DNAH1: variants seen among roughly 807,000 people sequenced by gnomAD.
DNAH1 encodes the protein dynein axonemal heavy chain 1.
Under a neutral mutation model 484.3 loss-of-function variants are expected in DNAH1, and 327 were observed. The ratio of observed to expected loss-of-function variants is 0.68; its 90% CI spans 0.62 to 0.74. The LOEUF (loss-of-function observed/expected upper bound fraction) is 0.74, where lower values mean the gene tolerates loss of function less well. Among genes scored for constraint, DNAH1 ranks in the 30% least tolerant of loss-of-function variants. The pLI is 0.00. For missense variants in DNAH1, 5,052 were observed against 5,546.8 expected (o/e 0.91, Z 2.83); for synonymous variants, 2,192 against 2,191.9 (o/e 1.00, Z 0.00).
intron 46 of DNAH1, among the ~76,000 whole-genome samples, chr3:52,376,273 A>G (rs1210276221): frequency 6.6e-6 from 1 of 152,240 alleles, no homozygotes; most frequent in Non-Finnish European, 1.5e-5. Context: ...AGGGAATCCA[A>G]CAAACTCCCA....
Position 52,381,900 on chromosome 3 carries a change from C to A in DNAH1, c.7805+64C>A. 3 of 1,502,556 alleles carry A rather than the reference C, an allele frequency of 2.0e-6. No homozygotes were observed. Among genetic ancestry groups the A allele is most frequent in the South Asian group, 1.3e-5 (1 of 79,196 alleles). The allele number at this position is 1,502,556 out of a possible 1,614,324, so 93.1% of individuals were successfully genotyped here. A position where few individuals can be genotyped will look rare whatever the true frequency, so the allele number is the denominator to read the frequency against. Reference sequence around the variant, plus strand: ...GGGCTGGCTGGTCGGTTTGACTGACCCATGCTTTTGCACAGTGGTAGAGGC... The same window carrying A: ...GGGCTGGCTGGTCGGTTTGACTGACACATGCTTTTGCACAGTGGTAGAGGC... On this transcript the variant is annotated intron_variant, in intron 49 of 77. Coordinates refer to ENST00000420323, the MANE Select transcript of DNAH1 (RefSeq NM_015512.5). The surrounding 1 kb of genome is among the most constrained non-coding windows in gnomAD (Gnocchi z 4.1).
At position 52,392,989 on chromosome 3, in the gene DNAH1, A is replaced by G. The variant is rs143443167; in HGVS notation, c.10438A>G (p.Ile3480Val). ...GTACTCCCTTGAGTGGTTTCTCAAC[A>G]TCTTCCTCTCGGGCATCGCCAACTC... ...YQYSLEWFLNIFLSGIANSER... is the reference protein window; with the variant it reads ...YQYSLEWFLNVFLSGIANSER... The change falls in exon 65 of 78, where the codon ATC becomes GTC. Residue 3480 changes from isoleucine (I) to valine (V), a missense_variant. Transcript: ENST00000420323. 1.8e-3 allele frequency: 2,835 copies of G among 1,613,274 alleles called. 6 individuals carry two copies. The highest frequency in any genetic ancestry group is 2.2e-3 in the Non-Finnish European group (2,608 of 1,179,656).
At chr3:52,346,362 C>A (rs372682072) in intron 10 of DNAH1, 110 bp from the exon 11 acceptor site, 5 of 1,157,450 alleles carry the variant, frequency 4.3e-6, no homozygotes, top group Non-Finnish European at 6.0e-6. Flanking sequence ...CCTCCACAGT[C>A]AGATGAGCCC....
chr3:52,334,467 TTTTC>T (rs1270206087), intron 8 of DNAH1, among the ~76,000 whole-genome samples: 3 of 152,102 alleles, frequency 2.0e-5, no homozygotes, highest in African/African-American at 7.2e-5. Flanking sequence ...TATTTTAAAT[TTTTC>T]TTTCTTCAAT....
At chr3:52,321,427 A>T (rs1701144601) in intron 1 of DNAH1, among the ~76,000 whole-genome samples, 1 of 152,064 alleles carries the variant, frequency 6.6e-6, no homozygotes, top group Non-Finnish European at 1.5e-5. Context: ...TTTTTTTCTA[A>T]TTGCAATTTT....
chr3:52,382,263 C>T, intron 49 of DNAH1, 57 bp from the exon 50 acceptor site: 1 of 1,613,258 alleles, frequency 6.2e-7, no homozygotes. Flanking sequence ...CACCCACCAC[C>T]CTTCAGCGTC....
At chr3:52,382,554 C>T in intron 50 of DNAH1, 99 bp downstream of exon 50, 1 of 1,537,406 alleles carries the variant, frequency 6.5e-7, no homozygotes, top group South Asian at 1.2e-5. Context: ...ATGCCCAGCT[C>T]ACAGTCAGGG....
At position 52,400,438 on chromosome 3, in the gene DNAH1, GACT is replaced by G. The variant is rs1273390368; in HGVS notation, c.12795_12797del (p.Tyr4265del). On this transcript the variant is annotated inframe_deletion, in exon 78 of 78. Coordinates refer to ENST00000420323, the MANE Select transcript of DNAH1 (RefSeq NM_015512.5). The stretch of plus-strand genomic sequence containing the variant: ...TGGTGTGGCCCTCATCTGTGCCCTG[GACT>G]ACTAGACTCAGACAGAAGGGCTGGG... The G allele has an allele frequency of 5.0e-6, 8 of 1,614,022 alleles. No individual in the cohort carries two copies. Among genetic ancestry groups the G allele is most frequent in the African/African-American group, 2.7e-5 (2 of 75,052 alleles).
intron 44 of DNAH1, chr3:52,373,739 A>G (rs1703459963): frequency 7.2e-7 from 1 of 1,386,970 alleles, no homozygotes; most frequent in Non-Finnish European, 1.0e-6. Flanking sequence ...CTGATCCACT[A>G]AGTGAACTAA....
chr3:52,349,042 A>G lies in DNAH1; in HGVS notation c.2261A>G (p.Tyr754Cys), dbSNP rs1178981836. Reference sequence around the variant, plus strand: ...GCCTACGCCAAGGAGTACCGAAAGTACCTGGAGCTGAACAACAATGACATT... The same window carrying G: ...GCCTACGCCAAGGAGTACCGAAAGTGCCTGGAGCTGAACAACAATGACATT... ...LQAYAKEYRKYLELNNNDIAS... is the reference protein window; with the variant it reads ...LQAYAKEYRKCLELNNNDIAS... The change falls in exon 13 of 78, where the codon TAC becomes TGC. Residue 754 changes from tyrosine (Y) to cysteine (C), a missense_variant. Transcript: ENST00000420323. The G allele has an allele frequency of 5.0e-6, 8 of 1,612,994 alleles. No homozygotes were observed. Among genetic ancestry groups the G allele is most frequent in the Non-Finnish European group, 6.8e-6 (8 of 1,179,896 alleles).
intron 56 of DNAH1, among the ~76,000 whole-genome samples, chr3:52,387,441 A>AG (rs948136032): frequency 6.6e-6 from 1 of 152,082 alleles, no homozygotes; most frequent in Non-Finnish European, 1.5e-5. Context: ...GAAATTAGCT[A>AG]GGGGGCAGCT....
upstream of DNAH1, among the ~76,000 whole-genome samples, chr3:52,312,469 C>T (rs1009579161): frequency 2.0e-5 from 3 of 149,678 alleles, no homozygotes; most frequent in South Asian, 2.1e-4. Context: ...AGTATTGCCA[C>T]GCTTTTTTTT....
intron 5 of DNAH1, among the ~76,000 whole-genome samples, chr3:52,327,519 C>T (rs1355177417): frequency 6.6e-6 from 1 of 152,146 alleles, no homozygotes; most frequent in East Asian, 1.9e-4. Context: ...ACCCAAGGGC[C>T]ACCTCTTCCC....
intron 48 of DNAH1, among the ~76,000 whole-genome samples, chr3:52,380,570 C>G (rs1192879354): frequency 6.6e-6 from 1 of 152,236 alleles, no homozygotes; most frequent in East Asian, 1.9e-4. Context: ...GTCACAGGGT[C>G]AGCACACCCT....
intron 3 of DNAH1, among the ~76,000 whole-genome samples, chr3:52,325,271 G>A (rs911851681): frequency 1.3e-5 from 2 of 152,140 alleles, no homozygotes; most frequent in African/African-American, 2.4e-5. Context: ...GGGCCCTCCT[G>A]CAGCATGACC....
Position 52,331,220 on chromosome 3 carries a change from A to G in DNAH1, c.944A>G (p.Lys315Arg). The change falls in exon 7 of 78, where the codon AAG becomes AGG. Residue 315 changes from lysine to arginine, a missense_variant. Physicochemically the swap from Lys to Arg is conservative, Grantham distance 26. This residue lies in a region of DNAH1 where 1,263 missense variants were observed against 1,218.8 expected (regional missense o/e 1.04). Coordinates refer to ENST00000420323, the MANE Select transcript of DNAH1 (RefSeq NM_015512.5). ...GTCCTGGACTACGACGAGGAGAAGAAGCTATACCTGGTACACAAGACAGAC... is the reference window on the plus strand; with the variant it reads ...GTCCTGGACTACGACGAGGAGAAGAGGCTATACCTGGTACACAAGACAGAC... ...VGVLDYDEEK[K>R]LYLVHKTDEK... 1 of 1,610,796 alleles carries G rather than the reference A, an allele frequency of 6.2e-7. No individual in the cohort carries two copies. Among genetic ancestry groups the G allele is most frequent in the East Asian group, 2.2e-5 (1 of 44,850 alleles).
At chr3:52,388,360 G>A in intron 57 of DNAH1, 26 bp downstream of exon 57, 1 of 1,600,072 alleles carries the variant, frequency 6.2e-7, no homozygotes, top group Middle Eastern at 1.7e-4. Context: ...AGCTGGTGGG[G>A]GAGGGCTCCC....
Position 52,381,651 on chromosome 3 carries a change from G to A in DNAH1, c.7620G>A (p.Val2540=). 6.2e-7 allele frequency: 1 copy of A among 1,606,250 alleles called. No individual in the cohort carries two copies. The highest frequency in any genetic ancestry group is 8.5e-7 in the Non-Finnish European group (1 of 1,176,192). The change falls in exon 49 of 78, where the codon GTG becomes GTA. Residue 2540 remains valine, a synonymous_variant. Transcript: ENST00000420323. The surrounding 1 kb of genome is among the most constrained non-coding windows in gnomAD (Gnocchi z 4.1). ...GCCTTGGTGCACAGATGATGCAGGT[G>A]ATAGAGGAGTACATAGAGGACTACA... ...LITSESKMMQ[V]IEEYIEDYNQ... is the part of the protein sequence containing the mutation.
the DNAH1 span, among the ~76,000 whole-genome samples, chr3:52,311,206 C>T: frequency 1.3e-5 from 2 of 152,162 alleles, no homozygotes; most frequent in Non-Finnish European, 2.9e-5. Flanking sequence ...AACTGTGAGG[C>T]TCAGTTTGTT....
Sources: allele counts gnomAD v4.1 joint callset (sites outside exome capture counted in the v4.1 genomes callset), GRCh38; gene constraint gnomAD v4.1.1; regional missense constraint gnomAD v4.1.1; non-coding constraint Gnocchi (gnomAD v3.1); transcripts MANE v1.5; gene names NCBI Gene and HGNC (gene_info 2026-07-23, HGNC 2026-07-21).